Variants in SLC16A10 observed in about 807,000 individuals in gnomAD.
SLC16A10 encodes the protein monocarboxylate transporter 10.
Under a neutral mutation model 40.0 loss-of-function variants are expected in SLC16A10, and 27 were observed. That is an observed-to-expected ratio of 0.67 (90% CI 0.50 to 0.93). SLC16A10 has a LOEUF of 0.93. Among genes scored for constraint, SLC16A10 ranks in the 40% least tolerant of loss-of-function variants. SLC16A10 has a pLI of 0.00. For synonymous variants in SLC16A10, 213 were observed against 249.8 expected, an observed-to-expected ratio of 0.85 and a Z score of 1.39; for missense variants, 529 against 658.2, an observed-to-expected ratio of 0.80 and a Z score of 2.15.
chr6:111,090,737 T>G (rs2114421756), intron 1 of SLC16A10, among the ~76,000 whole-genome samples: 1 of 152,344 alleles, frequency 6.6e-6, no homozygotes, highest in East Asian at 1.9e-4. Flanking sequence ...TTTTTCACTT[T>G]GATATTCGAA....
chr6:111,132,185 A>AAGAG (rs372822390), intron 1 of SLC16A10, among the ~76,000 whole-genome samples: 11 of 149,896 alleles, frequency 7.3e-5, no homozygotes, highest in Admixed American at 2.7e-4. Context: ...GGGCTAGGAG[A>AAGAG]AGAGAGAGAG....
intron 1 of SLC16A10, among the ~76,000 whole-genome samples, chr6:111,164,012 C>G (rs555388102): frequency 2.6e-5 from 4 of 152,276 alleles, no homozygotes; most frequent in Admixed American, 2.6e-4. Context: ...AGATCAGTGC[C>G]TTAAGAAAAC....
At chr6:111,100,992 C>CTATATATATATATATA (rs71021826) in intron 1 of SLC16A10, among the ~76,000 whole-genome samples, 1 of 66,422 alleles carries the variant, frequency 1.5e-5, no homozygotes, top group African/African-American at 6.4e-5. Flanking sequence ...CTCTCTCTCT[C>CTATATATATATATATA]TATATATATA....
chr6:111,170,060 G>C (rs1425809558), intron 1 of SLC16A10, among the ~76,000 whole-genome samples: 2 of 151,788 alleles, frequency 1.3e-5, no homozygotes, highest in Non-Finnish European at 2.9e-5. Flanking sequence ...TGGGATTACA[G>C]GCATGAGCCA....
chr6:111,157,920 G>C (rs949321690), intron 1 of SLC16A10, among the ~76,000 whole-genome samples: 1 of 146,336 alleles, frequency 6.8e-6, no homozygotes. Context: ...AAAAAAAAAA[G>C]AAAAAAAGAA....
chr6:111,190,643 G>A (rs549389673), intron 3 of SLC16A10, among the ~76,000 whole-genome samples: 1 of 152,312 alleles, frequency 6.6e-6, no homozygotes, highest in South Asian at 2.1e-4. Flanking sequence ...CTGTGCACCC[G>A]CAGACTCAAC....
intron 1 of SLC16A10, among the ~76,000 whole-genome samples, chr6:111,137,478 T>C (rs1771899925): frequency 6.6e-6 from 1 of 152,234 alleles, no homozygotes; most frequent in Non-Finnish European, 1.5e-5. Flanking sequence ...AACCTCCTTG[T>C]TAAGTTTGTC....
intron 3 of SLC16A10, among the ~76,000 whole-genome samples, chr6:111,181,487 A>G (rs1195194673): frequency 6.6e-6 from 1 of 152,200 alleles, no homozygotes; most frequent in Non-Finnish European, 1.5e-5. Flanking sequence ...GAGAAAGATA[A>G]TACCCATTTG....
intron 3 of SLC16A10, among the ~76,000 whole-genome samples, chr6:111,199,025 G>A (rs1208901087): frequency 6.6e-6 from 1 of 152,186 alleles, no homozygotes; most frequent in Non-Finnish European, 1.5e-5. Context: ...GCCAACCATG[G>A]CTGAGCCCTC....
intron 1 of SLC16A10, among the ~76,000 whole-genome samples, chr6:111,171,020 C>T (rs922286443): frequency 6.6e-6 from 1 of 152,052 alleles, no homozygotes; most frequent in African/African-American, 2.4e-5. Flanking sequence ...ACCTGTAGTC[C>T]CAGCTACTCA....
In SLC16A10 at chr6:111,087,969, G is replaced by T. The variant is rs1360556009; in HGVS notation, c.217G>T (p.Val73Leu). Residue 73 changes from valine to leucine, a missense_variant, in exon 1 of 6, where the codon GTG becomes TTG. Transcript: ENST00000368851. The stretch of plus-strand genomic sequence containing the variant: ...CCCCGAGGGCGGCTGGGGCTGGCTG[G>T]TGATGCTGGCGGCCATGTGGTGCAA... ...EPPEGGWGWL[V>L]MLAAMWCNGS... is the part of the protein sequence containing the mutation. The T allele has an allele frequency of 6.2e-7, 1 of 1,611,474 alleles. No individual in the cohort carries two copies.
At chr6:111,160,186 T>C (rs574154625) in intron 1 of SLC16A10, among the ~76,000 whole-genome samples, 24 of 152,352 alleles carry the variant, frequency 1.6e-4, no homozygotes, top group African/African-American at 5.5e-4. Flanking sequence ...AGGTTTTTCA[T>C]GTTATATCTA....
chr6:111,186,466 G>T (rs958758603), intron 3 of SLC16A10, among the ~76,000 whole-genome samples: 1 of 152,190 alleles, frequency 6.6e-6, no homozygotes, highest in Non-Finnish European at 1.5e-5. Context: ...TTAATTTGAA[G>T]AATCTTCCCC....
chr6:111,165,410 A>G (rs1363124901), intron 1 of SLC16A10, among the ~76,000 whole-genome samples: 1 of 152,226 alleles, frequency 6.6e-6, no homozygotes, highest in Non-Finnish European at 1.5e-5. Flanking sequence ...TGAAAAAGAA[A>G]ATCTTTTTCC....
At position 111,206,101 on chromosome 6, in the gene SLC16A10, C is replaced by G. The variant is rs1434198084; in HGVS notation, c.943-491C>G. Among the ~76,000 whole-genome samples the G allele has an allele frequency of 2.0e-5, 3 of 147,882 alleles. No individual in the cohort carries two copies. The South Asian group carries it at 6.4e-4, about 32-fold the overall frequency. ...ACATGCTTTTTTTTTTTTTTGGAGA[C>G]GGAGTCTTGCTCTGTCGCCCAGGCT... On this transcript the variant is annotated intron_variant, in intron 3 of 5. Coordinates refer to ENST00000368851, the MANE Select transcript of SLC16A10 (RefSeq NM_018593.5).
At chr6:111,131,143 A>C (rs185825678) in intron 1 of SLC16A10, among the ~76,000 whole-genome samples, 1 of 152,220 alleles carries the variant, frequency 6.6e-6, no homozygotes, top group Non-Finnish European at 1.5e-5. Context: ...CTCGCTGTCC[A>C]CCACTGCTGT....
At chr6:111,137,994 C>A (rs372582462) in intron 1 of SLC16A10, among the ~76,000 whole-genome samples, 1 of 152,346 alleles carries the variant, frequency 6.6e-6, no homozygotes, top group East Asian at 1.9e-4. Context: ...GGCGTTCTAG[C>A]CGGCAACGGC....
intron 1 of SLC16A10, among the ~76,000 whole-genome samples, chr6:111,104,299 C>T (rs371583599): frequency 3.9e-5 from 6 of 152,134 alleles, no homozygotes; most frequent in African/African-American, 4.8e-5. Context: ...TACAAAGCCC[C>T]GACCGAAAGC....
chr6:111,149,729 T>C (rs1772140504), intron 1 of SLC16A10, among the ~76,000 whole-genome samples: 1 of 152,214 alleles, frequency 6.6e-6, no homozygotes, highest in Admixed American at 6.5e-5. Flanking sequence ...CATGCTTATA[T>C]GGTTGTATTT....
Sources: allele counts gnomAD v4.1 joint callset (sites outside exome capture counted in the v4.1 genomes callset), GRCh38; gene constraint gnomAD v4.1.1; transcripts MANE v1.5; gene names NCBI Gene and HGNC (gene_info 2026-07-23, HGNC 2026-07-21).